PDIA6: variants seen among roughly 807,000 people sequenced by gnomAD.
PDIA6 encodes protein disulfide isomerase family A member 6.
PDIA6 carries 29 observed loss-of-function variants against 58.4 expected under a neutral mutation model. The ratio of observed to expected loss-of-function variants is 0.50; its 90% CI spans 0.37 to 0.68. The LOEUF (loss-of-function observed/expected upper bound fraction) is 0.68. PDIA6 is among the 30% of genes least tolerant of loss of function. The pLI, the probability that PDIA6 is intolerant of heterozygous loss-of-function variation, is 0.00. For synonymous variants in PDIA6, 192 were observed against 202.6 expected (o/e 0.95, Z 0.44); for missense variants, 480 against 551.0 (o/e 0.87, Z 1.29).
At chr2:10,810,838 A>G (rs1254758050) in intron 1 of PDIA6, among the ~76,000 whole-genome samples, 1 of 152,194 alleles carries the variant, frequency 6.6e-6, no homozygotes, top group Admixed American at 6.5e-5. Flanking sequence ...CTGACCAATG[A>G]CGTTCTGTTT....
At chr2:10,789,997 T>C (rs1665959563) in intron 7 of PDIA6, 108 bp from the exon 8 acceptor site, 4 of 632,438 alleles carry the variant, frequency 6.3e-6, no homozygotes, top group Admixed American at 3.4e-5. Context: ...TTTTTTTTTT[T>C]TGAAGCAGTC....
chr2:10,809,423 T>C (rs748923105), intron 1 of PDIA6, among the ~76,000 whole-genome samples: 1 of 152,056 alleles, frequency 6.6e-6, no homozygotes, highest in Non-Finnish European at 1.5e-5. Flanking sequence ...AGGCCTGTAA[T>C]CCCAGAACTT....
intron 1 of PDIA6, among the ~76,000 whole-genome samples, chr2:10,822,033 G>A (rs1336836368): frequency 6.6e-6 from 1 of 151,896 alleles, no homozygotes; most frequent in Non-Finnish European, 1.5e-5. Context: ...TCAACCTCCT[G>A]GGCTCAAGTG....
At chr2:10,822,291 C>G (rs767252164) in intron 1 of PDIA6, among the ~76,000 whole-genome samples, 12 of 151,096 alleles carry the variant, frequency 7.9e-5, no homozygotes, top group Non-Finnish European at 1.6e-4. Flanking sequence ...GAGACAGAGT[C>G]TCGCTGTGTT....
chr2:10,819,607 A>G (rs1558461017), intron 1 of PDIA6, among the ~76,000 whole-genome samples: 1 of 152,226 alleles, frequency 6.6e-6, no homozygotes. Context: ...GGGTCATCTT[A>G]ACACTGAGAA....
upstream of PDIA6, among the ~76,000 whole-genome samples, chr2:10,833,270 G>A (rs1034379616): frequency 1.4e-4 from 22 of 152,264 alleles, no homozygotes; most frequent in African/African-American, 5.1e-4. Flanking sequence ...CCAGGATCTG[G>A]GGTCTTTTTC....
In PDIA6 at chr2:10,787,276, AT is replaced by A. The variant is rs1665810889; in HGVS notation, c.1157+4del. ...AACAACAAACAACCTAAGAAAACAA[AT>A]TACCTGAGAAACTCGTTGATGCCTT... On this transcript the variant is annotated splice_donor_region_variant and intron_variant, in intron 11 of 12. Transcript: ENST00000272227. 1 of 1,613,330 alleles carries A rather than the reference AT, an allele frequency of 6.2e-7. No individual in the cohort carries two copies. The highest frequency in any genetic ancestry group is 1.3e-5 in the African/African-American group (1 of 74,908).
chr2:10,784,888 G>T, intron 12 of PDIA6, 46 bp downstream of exon 12: 1 of 1,358,712 alleles, frequency 7.4e-7, no homozygotes, highest in Non-Finnish European at 1.0e-6. Flanking sequence ...GCTCAAGAGA[G>T]TAAACCAGGA....
intron 2 of PDIA6, among the ~76,000 whole-genome samples, chr2:10,801,927 T>G (rs1397264779): frequency 6.6e-6 from 1 of 152,204 alleles, no homozygotes; most frequent in Non-Finnish European, 1.5e-5. Flanking sequence ...GGTTTGGTTC[T>G]CCTCTCAGGA....
intron 1 of PDIA6, among the ~76,000 whole-genome samples, chr2:10,809,051 C>T (rs1455513629): frequency 2.6e-5 from 4 of 152,230 alleles, no homozygotes; most frequent in East Asian, 3.9e-4. Flanking sequence ...TCAGGTGATC[C>T]GCCCACCTTG....
At chr2:10,793,049 G>T in intron 5 of PDIA6, 47 bp downstream of exon 5, 2 of 1,262,706 alleles carry the variant, frequency 1.6e-6, no homozygotes, top group Middle Eastern at 1.9e-4. Context: ...TATCCACTCT[G>T]GCTTCAAAAT....
intron 7 of PDIA6, 41 bp downstream of exon 7, chr2:10,790,678 C>T: frequency 7.3e-7 from 1 of 1,377,530 alleles, no homozygotes; most frequent in Admixed American, 1.7e-5. Context: ...AACGAAACAC[C>T]ATGTATTTCA....
chr2:10,831,596 TC>T (rs1404035963), intron 1 of PDIA6, among the ~76,000 whole-genome samples: 1 of 152,144 alleles, frequency 6.6e-6, no homozygotes, highest in Admixed American at 6.5e-5. Context: ...AGCTTTCAGA[TC>T]CAGCTACGAT....
At chr2:10,788,876 A>C in intron 9 of PDIA6, 21 bp downstream of exon 9, 1 of 1,600,514 alleles carries the variant, frequency 6.2e-7, no homozygotes, top group Non-Finnish European at 8.6e-7. Context: ...AGCTAAGGGA[A>C]ATCATTTCCG....
intron 8 of PDIA6, 141 bp downstream of exon 8, chr2:10,789,608 T>G (rs1210172399): frequency 1.0e-5 from 7 of 679,236 alleles, no homozygotes; most frequent in Non-Finnish European, 1.4e-5. Context: ...TATCAGACTT[T>G]TTTTCCATTT....
chr2:10,830,504 GA>G (rs1479853608), intron 1 of PDIA6, among the ~76,000 whole-genome samples: 1 of 152,198 alleles, frequency 6.6e-6, no homozygotes, highest in African/African-American at 2.4e-5. Flanking sequence ...GCCTTTGCAG[GA>G]AGCAGCAGGG....
At chr2:10,813,326 G>T (rs917515415), upstream of PDIA6, among the ~76,000 whole-genome samples, 5 of 152,204 alleles carry the variant, frequency 3.3e-5, no homozygotes, top group Admixed American at 1.3e-4. Context: ...TCCGTCCAGG[G>T]CGCATGGCTC....
chr2:10,820,406 T>C (rs1382672179), intron 1 of PDIA6, among the ~76,000 whole-genome samples: 4 of 152,162 alleles, frequency 2.6e-5, no homozygotes, highest in African/African-American at 4.8e-5. Flanking sequence ...TCAGTCTAAA[T>C]TGTCATGTTG....
chr2:10,788,601 T>A, intron 10 of PDIA6, 96 bp downstream of exon 10: 8 of 826,904 alleles, frequency 9.7e-6, no homozygotes, highest in Non-Finnish European at 1.4e-5. Context: ...AGAGCAAACA[T>A]AGAACACAGC....
Sources: gnomAD v4.1 joint callset for allele counts (sites outside exome capture counted in the v4.1 genomes callset) on GRCh38, gnomAD v4.1.1 for gene constraint, MANE v1.5 for transcripts, NCBI Gene and HGNC (gene_info 2026-07-23, HGNC 2026-07-21) for gene names.